HTR1E: variants seen among roughly 807,000 people sequenced by gnomAD.
HTR1E encodes the protein 5-HT-1E.
HTR1E carries 3 observed loss-of-function variants against 3.4 expected under a neutral mutation model. The observed-to-expected ratio is 0.89, with a 90% CI of 0.41 to 2.31. HTR1E has a LOEUF of 2.31. Ranked by LOEUF, HTR1E falls within the 30% of genes most tolerant of loss-of-function variation. The pLI, the probability that HTR1E is intolerant of heterozygous loss-of-function variation, is 0.05. For missense variants in HTR1E, 392 were observed against 467.0 expected, an observed-to-expected ratio of 0.84 and a Z score of 1.48; for synonymous variants, 170 against 182.8, an observed-to-expected ratio of 0.93 and a Z score of 0.56.
chr6:87,003,839 A>T (rs1017701955), intron 1 of HTR1E, among the ~76,000 whole-genome samples: 2 of 152,156 alleles, frequency 1.3e-5, no homozygotes, highest in Non-Finnish European at 2.9e-5. Context: ...TTGGTTTTTT[A>T]AAAAGATTAA....
chr6:86,944,750 A>G (rs1017281902), intron 1 of HTR1E, among the ~76,000 whole-genome samples: 4 of 152,222 alleles, frequency 2.6e-5, no homozygotes, highest in African/African-American at 7.2e-5. Flanking sequence ...AACCACATAT[A>G]TGACAGTGGT....
At chr6:86,950,318 CTG>C (rs1385127234) in intron 1 of HTR1E, among the ~76,000 whole-genome samples, 6 of 152,140 alleles carry the variant, frequency 3.9e-5, no homozygotes, top group Non-Finnish European at 8.8e-5. Flanking sequence ...AAAATGCAAA[CTG>C]TTCTTTGAGT....
At position 86,977,420 on chromosome 6, in the gene HTR1E, C is replaced by A. The variant is rs567388788; in HGVS notation, c.-185-37730C>A. Among the ~76,000 whole-genome samples, 15 of 152,244 alleles carry A rather than the reference C, an allele frequency of 9.9e-5. 2 individuals are homozygous for A. The highest frequency in any genetic ancestry group is 3.6e-4 in the African/African-American group (15 of 41,542). The stretch of plus-strand genomic sequence containing the variant: ...CTGTATATGTAACACATTTTCTTTA[C>A]CCAATCCACAATTGATGGGCACCTA... On this transcript the variant is annotated intron_variant, in intron 1 of 1. Transcript: ENST00000305344.
intron 1 of HTR1E, among the ~76,000 whole-genome samples, chr6:87,002,018 C>A (rs1768031242): frequency 6.6e-6 from 1 of 152,042 alleles, no homozygotes; most frequent in Non-Finnish European, 1.5e-5. Context: ...TAAGAAGAGA[C>A]AAAGAAGGTC....
chr6:86,958,112 G>C (rs958038927), intron 1 of HTR1E, among the ~76,000 whole-genome samples: 2 of 147,500 alleles, frequency 1.4e-5, no homozygotes, highest in Non-Finnish European at 3.0e-5. Context: ...AGGCTGGAGT[G>C]CAATGGTGCG....
chr6:86,997,838 G>C (rs1582278295), intron 1 of HTR1E, among the ~76,000 whole-genome samples: 1 of 151,814 alleles, frequency 6.6e-6, no homozygotes, highest in Non-Finnish European at 1.5e-5. Context: ...TCAATTACAG[G>C]CTATCTATAA....
intron 1 of HTR1E, among the ~76,000 whole-genome samples, chr6:87,010,859 C>A (rs1007764955): frequency 1.3e-5 from 2 of 152,144 alleles, no homozygotes; most frequent in Non-Finnish European, 2.9e-5. Context: ...GCCTCCCGGG[C>A]GGCGCTCGCC....
intron 1 of HTR1E, among the ~76,000 whole-genome samples, chr6:86,994,062 A>G (rs957673870): frequency 2.6e-5 from 4 of 152,200 alleles, no homozygotes; most frequent in African/African-American, 7.2e-5. Flanking sequence ...GAACTTAAAG[A>G]TAGAAAAATG....
chr6:86,939,384 A>G (rs1768515380), intron 1 of HTR1E, among the ~76,000 whole-genome samples: 1 of 152,224 alleles, frequency 6.6e-6, no homozygotes, highest in Admixed American at 6.5e-5. Context: ...TTCATCACTA[A>G]GAGAGCTATA....
chr6:86,995,007 T>C (rs1042644073), intron 1 of HTR1E, among the ~76,000 whole-genome samples: 2 of 152,082 alleles, frequency 1.3e-5, no homozygotes, highest in African/African-American at 2.4e-5. Context: ...AAGTAAATTA[T>C]GATGAATTCC....
At chr6:86,974,064 T>C (rs900244337) in intron 1 of HTR1E, among the ~76,000 whole-genome samples, 3 of 152,214 alleles carry the variant, frequency 2.0e-5, no homozygotes, top group East Asian at 3.9e-4. Flanking sequence ...AACCCTTCTA[T>C]ACCCACAGCT....
intron 1 of HTR1E, among the ~76,000 whole-genome samples, chr6:86,998,777 G>T (rs1322243792): frequency 6.6e-6 from 1 of 152,032 alleles, no homozygotes; most frequent in Admixed American, 6.6e-5. Context: ...TCATTCGAAA[G>T]CTGGTTCTTT....
At chr6:86,986,810 T>C (rs887674462) in intron 1 of HTR1E, among the ~76,000 whole-genome samples, 2 of 152,146 alleles carry the variant, frequency 1.3e-5, no homozygotes, top group Admixed American at 6.5e-5. Flanking sequence ...ATAGTGAAAT[T>C]TGATTAACCC....
intron 1 of HTR1E, among the ~76,000 whole-genome samples, chr6:87,002,688 T>C (rs776115795): frequency 1.8e-4 from 28 of 152,144 alleles, no homozygotes; most frequent in Non-Finnish European, 3.5e-4. Context: ...ATTGGTGTGT[T>C]TACAATCCTT....
chr6:86,965,653 TAC>T (rs536704937), intron 1 of HTR1E, among the ~76,000 whole-genome samples: 35 of 151,924 alleles, frequency 2.3e-4, no homozygotes, highest in Non-Finnish European at 4.4e-4. Context: ...GGGGTCTACA[TAC>T]ACACACACAG....
At chr6:87,012,481 A>G (rs1353183278) in intron 1 of HTR1E, among the ~76,000 whole-genome samples, 1 of 152,216 alleles carries the variant, frequency 6.6e-6, no homozygotes, top group Non-Finnish European at 1.5e-5. Flanking sequence ...AATAAGCTGT[A>G]CACCAAACCC....
chr6:87,011,202 G>A (rs1437999120), intron 1 of HTR1E, among the ~76,000 whole-genome samples: 1 of 152,208 alleles, frequency 6.6e-6, no homozygotes, highest in Non-Finnish European at 1.5e-5. Context: ...GGGTGGCTAA[G>A]CTGACAGAGT....
chr6:86,980,193 C>G (rs146988595), intron 1 of HTR1E, among the ~76,000 whole-genome samples: 1 of 152,032 alleles, frequency 6.6e-6, no homozygotes, highest in African/African-American at 2.4e-5. Context: ...GGAGACCATC[C>G]TGGCTAACAG....
At chr6:86,949,375 T>C (rs1004839022) in intron 1 of HTR1E, among the ~76,000 whole-genome samples, 3 of 152,182 alleles carry the variant, frequency 2.0e-5, no homozygotes, top group African/African-American at 4.8e-5. Context: ...GCTGCTGCTG[T>C]TGTTATTTTG....
Sources: allele counts gnomAD v4.1 joint callset (sites outside exome capture counted in the v4.1 genomes callset), GRCh38; gene constraint gnomAD v4.1.1; transcripts MANE v1.5; gene names NCBI Gene and HGNC (gene_info 2026-07-23, HGNC 2026-07-21).